SRRM3: variants seen among roughly 807,000 people sequenced by gnomAD.
The protein encoded by SRRM3 is serine/arginine repetitive matrix protein 3.
A neutral mutation model predicts 66.2 loss-of-function variants in SRRM3; 27 were observed. The observed-to-expected ratio is 0.41, with a 90% CI of 0.30 to 0.56. The LOEUF (loss-of-function observed/expected upper bound fraction) is 0.56. Among genes scored for constraint, SRRM3 ranks in the 20% least tolerant of loss-of-function variants. The pLI, the probability that SRRM3 is intolerant of heterozygous loss-of-function variation, is 0.32. For missense variants in SRRM3, 918 were observed against 991.9 expected, an observed-to-expected ratio of 0.93 and a Z score of 1.00; for synonymous variants, 391 against 414.9, an observed-to-expected ratio of 0.94 and a Z score of 0.70.
chr7:76,268,791 C>T (rs1802135498), intron 11 of SRRM3: 1 of 152,418 alleles, frequency 6.6e-6, no homozygotes, highest in Non-Finnish European at 1.5e-5. Context: ...CCGGATCTGT[C>T]TTGGGAGGGG....
At chr7:76,253,134 T>C (rs1801622228) in intron 3 of SRRM3, among the ~76,000 whole-genome samples, 1 of 152,000 alleles carries the variant, frequency 6.6e-6, no homozygotes, top group East Asian at 1.9e-4. Context: ...GCCACTGCAT[T>C]CTAGCCTGGG....
intron 11 of SRRM3, among the ~76,000 whole-genome samples, chr7:76,276,526 G>T (rs1237227783): frequency 6.6e-6 from 1 of 152,166 alleles, no homozygotes; most frequent in African/African-American, 2.4e-5. Context: ...GGAGCTGAGG[G>T]TAGGGATGCC....
intron 1 of SRRM3, among the ~76,000 whole-genome samples, chr7:76,226,525 T>A (rs1371011561): frequency 6.6e-6 from 1 of 152,268 alleles, no homozygotes; most frequent in Non-Finnish European, 1.5e-5. Context: ...CCCCGGCTCC[T>A]GGCTGTATCA....
intron 1 of SRRM3, among the ~76,000 whole-genome samples, chr7:76,203,369 ATTGACCTTTCTGAG>A (rs1466795037): frequency 6.6e-6 from 1 of 152,240 alleles, no homozygotes; most frequent in African/African-American, 2.4e-5. Context: ...CAGGTAAGCC[ATTGACCTTTCTGAG>A]TCTGTTTTCA....
rs1859790 is a variant in SRRM3 at position 76,286,756 on chromosome 7, G to A, written c.*913G>A. ...TGTAGGAAAGAGAAAAAGCAAAGTC[G>A]TTCACTGACTGAGTAGCCCCCAGGG... is the stretch of plus-strand genomic sequence containing the variant. On this transcript the variant is annotated 3_prime_UTR_variant, in exon 15 of 15. Transcript: ENST00000611745. The A allele has an allele frequency of 0.045, 6,814 of 152,414 alleles. 355 individuals carry two copies. Among genetic ancestry groups the A allele is most frequent in the East Asian group, 0.15 (750 of 5,160 alleles). The allele number at this position is 152,414 out of a possible 1,614,324, so 9.4% of individuals were successfully genotyped here. A position where few individuals can be genotyped will look rare whatever the true frequency, so the allele number is the denominator to read the frequency against.
chr7:76,215,454 T>C (rs1583869998), intron 1 of SRRM3, among the ~76,000 whole-genome samples: 1 of 141,024 alleles, frequency 7.1e-6, no homozygotes, highest in African/African-American at 2.7e-5. Flanking sequence ...CAGAATGGAG[T>C]GCAGTAGTGT....
intron 1 of SRRM3, among the ~76,000 whole-genome samples, chr7:76,204,722 A>G (rs1431444653): frequency 1.3e-5 from 2 of 152,106 alleles, no homozygotes; most frequent in Non-Finnish European, 2.9e-5. Context: ...GGCTCCCTGT[A>G]TGACCTTGAA....
chr7:76,215,994 A>C (rs1280709968), intron 1 of SRRM3, among the ~76,000 whole-genome samples: 3 of 149,282 alleles, frequency 2.0e-5, no homozygotes, highest in African/African-American at 7.4e-5. Flanking sequence ...TTTTTAGTAG[A>C]GACGGGGTTT....
At chr7:76,240,808 G>A (rs2117010867) in intron 2 of SRRM3, among the ~76,000 whole-genome samples, 1 of 152,130 alleles carries the variant, frequency 6.6e-6, no homozygotes, top group East Asian at 1.9e-4. Context: ...GGGAACACGT[G>A]GGCCAAGAGG....
chr7:76,213,360 T>A (rs1428381053), intron 1 of SRRM3, among the ~76,000 whole-genome samples: 2 of 152,224 alleles, frequency 1.3e-5, no homozygotes, highest in Non-Finnish European at 2.9e-5. Context: ...ATTTGGTATT[T>A]TCTGTGTGCC....
At chr7:76,236,218 G>A (rs1455429034) in intron 2 of SRRM3, among the ~76,000 whole-genome samples, 2 of 150,000 alleles carry the variant, frequency 1.3e-5, no homozygotes, top group African/African-American at 4.9e-5. Flanking sequence ...ACTGAAGCAG[G>A]AGAATCGCTT....
chr7:76,257,605 C>CA (rs1228623975), intron 3 of SRRM3, among the ~76,000 whole-genome samples: 2 of 151,534 alleles, frequency 1.3e-5, no homozygotes, highest in African/African-American at 2.4e-5. Flanking sequence ...CCCATCTCTA[C>CA]AAAAAAAGTT....
intron 11 of SRRM3, among the ~76,000 whole-genome samples, chr7:76,277,283 C>T (rs1802373012): frequency 6.6e-6 from 1 of 152,194 alleles, no homozygotes; most frequent in African/African-American, 2.4e-5. Context: ...ACACTCCCAT[C>T]CCACTCTCAG....
intron 1 of SRRM3, among the ~76,000 whole-genome samples, chr7:76,231,883 G>A (rs1013867078): frequency 2.0e-5 from 3 of 152,164 alleles, no homozygotes; most frequent in Non-Finnish European, 4.4e-5. Context: ...AGGGGAAACA[G>A]GACTCCAGCG....
At chr7:76,243,565 G>A (rs889393401) in intron 2 of SRRM3, among the ~76,000 whole-genome samples, 13 of 152,116 alleles carry the variant, frequency 8.5e-5, no homozygotes, top group Admixed American at 3.3e-4. Flanking sequence ...CATATATGCC[G>A]CTGCAGGTCT....
chr7:76,217,064 G>A (rs1800587073), intron 1 of SRRM3, among the ~76,000 whole-genome samples: 1 of 152,168 alleles, frequency 6.6e-6, no homozygotes, highest in Admixed American at 6.5e-5. Context: ...AGGTGGAAGG[G>A]GCCGGACTGT....
At chr7:76,282,413 C>T (rs1351205246) in intron 12 of SRRM3, among the ~76,000 whole-genome samples, 2 of 149,768 alleles carry the variant, frequency 1.3e-5, no homozygotes, top group Non-Finnish European at 3.0e-5. Context: ...CTCCCCCCAT[C>T]CCGCAGAACA....
At chr7:76,257,485 TCA>T (rs1554607905) in intron 3 of SRRM3, among the ~76,000 whole-genome samples, 1 of 147,048 alleles carries the variant, frequency 6.8e-6, no homozygotes, top group East Asian at 2.0e-4. Context: ...GCATGGTGGC[TCA>T]CACCTATAAT....
intron 14 of SRRM3, chr7:76,283,682 G>A: frequency 2.7e-6 from 2 of 754,484 alleles, no homozygotes; most frequent in Non-Finnish European, 2.0e-6. Context: ...TGGAGGAGGG[G>A]GCACAGCAGT....
Sources: gnomAD v4.1 joint callset for allele counts (sites outside exome capture counted in the v4.1 genomes callset) on GRCh38, gnomAD v4.1.1 for gene constraint, MANE v1.5 for transcripts, NCBI Gene and HGNC (gene_info 2026-07-23, HGNC 2026-07-21) for gene names.